Variants in RBFOX1 observed in about 807,000 individuals in gnomAD.
The protein encoded by RBFOX1 is RNA binding fox-1 homolog 1.
Under a neutral mutation model 57.7 loss-of-function variants are expected in RBFOX1, and 8 were observed. That is an observed-to-expected ratio of 0.14 (90% confidence interval 0.08 to 0.25). RBFOX1 has a LOEUF of 0.25. RBFOX1 is among the 10% of genes least tolerant of loss of function. The probability of loss-of-function intolerance (pLI) is 1.00; values close to 1 mark genes in which losing one functional copy is unlikely to be tolerated. For synonymous variants in RBFOX1, 326 were observed against 222.4 expected (o/e 1.47, Z -4.15); for missense variants, 611 against 548.5 (o/e 1.11, Z -1.14).
chr16:6,771,999 G>A (rs150689270), intron 3 of RBFOX1, among the ~76,000 whole-genome samples: 31 of 152,204 alleles, frequency 2.0e-4, no homozygotes, highest in Middle Eastern at 3.4e-3. Context: ...GACTCCCTTC[G>A]GCTCTTTCTG....
chr16:5,422,214 GA>G (rs1223820252), intron 1 of RBFOX1, among the ~76,000 whole-genome samples: 9 of 148,998 alleles, frequency 6.0e-5, no homozygotes, highest in African/African-American at 2.2e-4. Context: ...AAAGGTGGAG[GA>G]GAGAGGAGGG....
chr16:6,777,529 TCC>T (rs1022583380), intron 3 of RBFOX1, among the ~76,000 whole-genome samples: 2 of 152,154 alleles, frequency 1.3e-5, no homozygotes, highest in African/African-American at 4.8e-5. Flanking sequence ...GTAATGCATT[TCC>T]CTGAGGGAAC....
At chr16:7,700,763 C>T (rs2080412938) in intron 14 of RBFOX1, among the ~76,000 whole-genome samples, 1 of 152,128 alleles carries the variant, frequency 6.6e-6, no homozygotes, top group South Asian at 2.1e-4. Flanking sequence ...CTTCTCTACT[C>T]CGAGAGTGGC....
chr16:7,484,054 G>C (rs182245792), intron 4 of RBFOX1, among the ~76,000 whole-genome samples: 7 of 152,188 alleles, frequency 4.6e-5, no homozygotes, highest in Admixed American at 1.3e-4. Flanking sequence ...TGTCCCTGTT[G>C]TTTTGAATTT....
intron 1 of RBFOX1, among the ~76,000 whole-genome samples, chr16:5,342,022 A>G (rs760905174): frequency 1.2e-4 from 18 of 152,198 alleles, no homozygotes; most frequent in Non-Finnish European, 2.4e-4. Context: ...CATGGAAAAA[A>G]GAGTCAGTGG....
intron 3 of RBFOX1, among the ~76,000 whole-genome samples, chr16:5,856,845 A>G (rs1035583576): frequency 6.6e-6 from 1 of 151,728 alleles, no homozygotes; most frequent in South Asian, 2.1e-4. Flanking sequence ...TTGATCTTCT[A>G]TCCAGACCAC....
intron 1 of RBFOX1, among the ~76,000 whole-genome samples, chr16:6,095,912 G>A (rs573137824): frequency 3.9e-5 from 6 of 152,180 alleles, no homozygotes; most frequent in Non-Finnish European, 8.8e-5. Context: ...CAGGCTCCCA[G>A]TGGAGTCTGG....
At chr16:6,764,043 A>G (rs1411733882) in intron 3 of RBFOX1, among the ~76,000 whole-genome samples, 1 of 152,158 alleles carries the variant, frequency 6.6e-6, no homozygotes, top group Non-Finnish European at 1.5e-5. Flanking sequence ...GAAGGATGAT[A>G]AACTGTACTT....
At chr16:5,493,576 G>A (rs1029279632) in intron 2 of RBFOX1, among the ~76,000 whole-genome samples, 2 of 152,218 alleles carry the variant, frequency 1.3e-5, no homozygotes, top group African/African-American at 4.8e-5. Context: ...TGATGGGACA[G>A]AATATTTTCC....
chr16:6,278,242 A>G, intron 1 of RBFOX1, among the ~76,000 whole-genome samples: 1 of 151,612 alleles, frequency 6.6e-6, no homozygotes. Flanking sequence ...CGTTGCAGGC[A>G]ATTTCCTGCC....
At chr16:6,155,047 G>T (rs896070308) in intron 1 of RBFOX1, among the ~76,000 whole-genome samples, 1 of 152,142 alleles carries the variant, frequency 6.6e-6, no homozygotes, top group African/African-American at 2.4e-5. Flanking sequence ...ATTTTTATTG[G>T]AGGAAATAGG....
chr16:5,645,246 T>G (rs1444331180), intron 3 of RBFOX1, among the ~76,000 whole-genome samples: 1 of 133,522 alleles, frequency 7.5e-6, no homozygotes, highest in Admixed American at 8.2e-5. Context: ...TGAAGTTCCA[T>G]CTCAAAAAAA....
chr16:5,320,182 G>GGA (rs2064363996), intron 1 of RBFOX1, among the ~76,000 whole-genome samples: 1 of 152,200 alleles, frequency 6.6e-6, no homozygotes, highest in South Asian at 2.1e-4. Flanking sequence ...CCAGGTTTAT[G>GGA]GAGGCACAGA....
chr16:7,455,579 T>A (rs1361390925), intron 4 of RBFOX1, among the ~76,000 whole-genome samples: 1 of 151,826 alleles, frequency 6.6e-6, no homozygotes, highest in Non-Finnish European at 1.5e-5. Context: ...ATTTCTTTAG[T>A]TCAAGAGTTC....
chr16:6,284,992 A>T (rs1206339832), intron 1 of RBFOX1, among the ~76,000 whole-genome samples: 1 of 152,194 alleles, frequency 6.6e-6, no homozygotes, highest in Non-Finnish European at 1.5e-5. Flanking sequence ...ATTCACAGGA[A>T]CAAGGGCTTC....
intron 2 of RBFOX1, among the ~76,000 whole-genome samples, chr16:6,541,678 T>A (rs1215776823): frequency 2.0e-5 from 3 of 152,148 alleles, no homozygotes; most frequent in African/African-American, 4.8e-5. Context: ...AGCAAGAATA[T>A]CAATTCTGGG....
chr16:5,828,237 A>C (rs2056143689), intron 3 of RBFOX1, among the ~76,000 whole-genome samples: 1 of 152,208 alleles, frequency 6.6e-6, no homozygotes, highest in African/African-American at 2.4e-5. Flanking sequence ...TCAACCACCC[A>C]CAAATCTACC....
intron 5 of RBFOX1, among the ~76,000 whole-genome samples, chr16:7,522,759 T>C (rs1216625337): frequency 6.6e-6 from 1 of 152,194 alleles, no homozygotes; most frequent in African/African-American, 2.4e-5. Flanking sequence ...AAGTGTTTTA[T>C]AGGCGATAAG....
chr16:7,060,281 TG>T (rs1196222918), intron 4 of RBFOX1, among the ~76,000 whole-genome samples: 1 of 152,150 alleles, frequency 6.6e-6, no homozygotes, highest in Non-Finnish European at 1.5e-5. Context: ...GAACAGGCAG[TG>T]GGCCATAGTT....
Sources: gnomAD v4.1 joint callset for allele counts (sites outside exome capture counted in the v4.1 genomes callset) on GRCh38, gnomAD v4.1.1 for gene constraint, MANE v1.5 for transcripts, NCBI Gene and HGNC (gene_info 2026-07-23, HGNC 2026-07-21) for gene names.